KMT2C: variants seen among roughly 807,000 people sequenced by gnomAD.
KMT2C encodes lysine methyltransferase 2C, also known as histone-lysine N-methyltransferase 2C.
KMT2C carries 88 observed loss-of-function variants against 507.9 expected under a neutral mutation model. The observed-to-expected ratio is 0.17, with a 90% CI of 0.15 to 0.21. The LOEUF is 0.21. KMT2C is among the 10% of genes least tolerant of loss of function. KMT2C has a pLI of 1.00. For synonymous variants in KMT2C, 2,049 were observed against 2,080.8 expected (o/e 0.98, Z 0.42); for missense variants, 4,954 against 5,957.8 (o/e 0.83, Z 5.55).
At chr7:152,343,995 A>T (rs893904577) in intron 2 of KMT2C, among the ~76,000 whole-genome samples, 21 of 122,950 alleles carry the variant, frequency 1.7e-4, no homozygotes, top group East Asian at 1.4e-3. Flanking sequence ...ATAAAATTTT[A>T]AAAAAAAACT....
chr7:152,315,925 A>C (rs1431622766), intron 3 of KMT2C, among the ~76,000 whole-genome samples: 1 of 152,166 alleles, frequency 6.6e-6, no homozygotes, highest in Non-Finnish European at 1.5e-5. Flanking sequence ...GAAACAAAAA[A>C]AATGCAAGTT....
At chr7:152,266,962 G>A (rs1419445969) in intron 7 of KMT2C, among the ~76,000 whole-genome samples, 2 of 151,666 alleles carry the variant, frequency 1.3e-5, no homozygotes, top group Non-Finnish European at 2.9e-5. Flanking sequence ...TTGGCTTTTT[G>A]CACTTTGTAG....
rs1417679062 is a variant in KMT2C at position 152,179,815 on chromosome 7, A to G, written c.7442+19T>C. The G allele has an allele frequency of 1.9e-6, 3 of 1,607,460 alleles. No homozygotes were observed. Among genetic ancestry groups the G allele is most frequent in the Non-Finnish European group, 2.6e-6 (3 of 1,175,416 alleles). On this transcript the variant is annotated intron_variant, in intron 37 of 58. Transcript: ENST00000262189. Reference sequence around the variant, plus strand: ...CTTCTAATAGCAATTTAAATTCGGCAGGAAATTAAAAGCATTACCTAAATC... The same window carrying G: ...CTTCTAATAGCAATTTAAATTCGGCGGGAAATTAAAAGCATTACCTAAATC...
intron 9 of KMT2C, among the ~76,000 whole-genome samples, chr7:152,255,092 T>C (rs1174533523): frequency 7.5e-6 from 1 of 133,340 alleles, no homozygotes; most frequent in Non-Finnish European, 1.6e-5. Context: ...AAAATCAAGA[T>C]GTCAATCAAC....
Position 152,182,955 on chromosome 7 carries a change from T to C in KMT2C, c.5265+19A>G. 1 of 1,532,386 alleles carries C rather than the reference T, an allele frequency of 6.5e-7. No individual in the cohort carries two copies. Among genetic ancestry groups the C allele is most frequent in the Non-Finnish European group, 8.8e-7 (1 of 1,142,698 alleles). The allele number at this position is 1,532,386 out of a possible 1,614,324, so 94.9% of individuals were successfully genotyped here. The stretch of plus-strand genomic sequence containing the variant: ...CAAAAATGCAACTTCAAAAAGTAGA[T>C]TATCCAAAAATTCCATACCTGTCTA... On this transcript the variant is annotated intron_variant, in intron 35 of 58. Transcript: ENST00000262189.
chr7:152,352,708 T>C (rs1208454612), intron 2 of KMT2C, among the ~76,000 whole-genome samples: 1 of 152,222 alleles, frequency 6.6e-6, no homozygotes, highest in Non-Finnish European at 1.5e-5. Context: ...TGAGCCTAAA[T>C]TTTTGTCCCT....
intron 6 of KMT2C, among the ~76,000 whole-genome samples, chr7:152,298,173 C>A (rs1376622928): frequency 6.6e-6 from 1 of 151,640 alleles, no homozygotes; most frequent in Non-Finnish European, 1.5e-5. Flanking sequence ...CTTCAAATAG[C>A]CTAATAATAT....
In KMT2C at chr7:152,311,938, G is replaced by A. The variant is rs1371068832; in HGVS notation, c.599C>T (p.Ser200Phe). The A allele has an allele frequency of 1.3e-6, 2 of 1,549,582 alleles. No individual in the cohort carries two copies. The highest frequency in any genetic ancestry group is 1.8e-6 in the Non-Finnish European group (2 of 1,141,156). Residue 200 changes from serine to phenylalanine, a missense_variant, in exon 5 of 59, where the codon TCT (serine) becomes TTT (phenylalanine). Physicochemically the swap from Ser to Phe is radical, Grantham distance 155 (BLOSUM62 -2). Coordinates refer to ENST00000262189, the MANE Select transcript of KMT2C (RefSeq NM_170606.3). ...ACAAGATACTATATTCTGCTGAGGA[G>A]ATCGTTCTCTGAAAATAAAATAAAA... The part of the protein sequence containing the change: ...RKQRGQRKER[S>F]PQQNIVSCVS...
chr7:152,367,461 A>T lies in KMT2C; in HGVS notation c.162-8786T>A, dbSNP rs2097256763. Reference sequence around the variant, plus strand: ...TGGAACTCCTGAGCTCAAACAATCTACCCACCTCGGCCTCCCAAAGTTCTG... The same window carrying T: ...TGGAACTCCTGAGCTCAAACAATCTTCCCACCTCGGCCTCCCAAAGTTCTG... On this transcript the variant is annotated intron_variant, in intron 1 of 58. Coordinates refer to ENST00000262189, the MANE Select transcript of KMT2C (RefSeq NM_170606.3). 7.8e-6 allele frequency: 6 copies of T among 765,822 alleles called. No individual in the cohort carries two copies. The East Asian group carries it at 9.7e-5, about 12-fold the overall frequency. 47.4% of individuals were successfully genotyped at this position (765,822 alleles called of 1,614,324 possible).
intron 2 of KMT2C, among the ~76,000 whole-genome samples, chr7:152,343,178 G>A (rs1483313508): frequency 6.6e-6 from 1 of 152,072 alleles, no homozygotes; most frequent in East Asian, 1.9e-4. Context: ...AATTTGAAAT[G>A]ATCAGATGAG....
chr7:152,304,691 C>G (rs1475047903), intron 6 of KMT2C, among the ~76,000 whole-genome samples: 1 of 152,054 alleles, frequency 6.6e-6, no homozygotes, highest in Non-Finnish European at 1.5e-5. Context: ...TAATAAAGGT[C>G]AGCAAATTTC....
chr7:152,419,527 T>A (rs1173592899), intron 1 of KMT2C, among the ~76,000 whole-genome samples: 1 of 152,238 alleles, frequency 6.6e-6, no homozygotes, highest in African/African-American at 2.4e-5. Context: ...CTTAATCACA[T>A]GCAAAAAATC....
intron 37 of KMT2C, 74 bp from the exon 38 acceptor site, chr7:152,178,084 A>C: frequency 7.5e-7 from 1 of 1,326,774 alleles, no homozygotes. Context: ...AGTTGAAAAA[A>C]AGAAAAGTCT....
At chr7:152,426,823 G>C (rs1428240042) in intron 1 of KMT2C, among the ~76,000 whole-genome samples, 1 of 152,146 alleles carries the variant, frequency 6.6e-6, no homozygotes, top group African/African-American at 2.4e-5. Flanking sequence ...CTTGCCCAAG[G>C]TCAAACAGCT....
intron 41 of KMT2C, among the ~76,000 whole-genome samples, chr7:152,167,652 T>C (rs1271038394): frequency 6.6e-6 from 1 of 152,216 alleles, no homozygotes; most frequent in Non-Finnish European, 1.5e-5. Flanking sequence ...AGCAGACTTA[T>C]GTAATGAAAT....
At chr7:152,395,578 G>A (rs2097533324) in intron 1 of KMT2C, among the ~76,000 whole-genome samples, 1 of 152,106 alleles carries the variant, frequency 6.6e-6, no homozygotes, top group South Asian at 2.1e-4. Flanking sequence ...CGCCATCTTG[G>A]CTCACTGCAA....
intron 1 of KMT2C, among the ~76,000 whole-genome samples, chr7:152,381,412 G>A (rs552465433): frequency 6.2e-4 from 95 of 152,274 alleles, no homozygotes; most frequent in Non-Finnish European, 1.3e-3. Context: ...GGCCAGGAAT[G>A]CTGCTTAACA....
chr7:152,283,116 G>C (rs990858528), intron 6 of KMT2C, among the ~76,000 whole-genome samples: 2 of 152,278 alleles, frequency 1.3e-5, no homozygotes, highest in Non-Finnish European at 2.9e-5. Flanking sequence ...TCTGTCCTTA[G>C]CCAAAAGCAG....
In KMT2C at chr7:152,185,631, T is replaced by C. The variant is rs768877450; in HGVS notation, c.5009A>G (p.Asp1670Gly). 3 of 1,610,012 alleles carry C rather than the reference T, an allele frequency of 1.9e-6. No individual in the cohort carries two copies. The highest frequency in any genetic ancestry group is 1.7e-6 in the Non-Finnish European group (2 of 1,176,984). ...NFPNLKEEFPDWTTRVKQIAK... is the reference protein window; with the variant it reads ...NFPNLKEEFPGWTTRVKQIAK... ...AATTTGCTTCACTCTAGTAGTCCAA[T>C]CTGCAACAAAAGAACAGAGTATAAC... Residue 1670 changes from aspartate (D) to glycine (G), a missense_variant and splice_region_variant, in exon 34 of 59, where the codon GAT (aspartate) becomes GGT (glycine). Transcript: ENST00000262189.
Sources: allele counts gnomAD v4.1 joint callset (sites outside exome capture counted in the v4.1 genomes callset), GRCh38; gene constraint gnomAD v4.1.1; transcripts MANE v1.5; gene names NCBI Gene and HGNC (gene_info 2026-07-23, HGNC 2026-07-21).